Variants in OSBPL10 observed in about 807,000 individuals in gnomAD.
OSBPL10 encodes the protein oxysterol binding protein like 10.
In OSBPL10, 49 loss-of-function variants were observed where a neutral mutation model predicts 81.7. That is an observed-to-expected ratio of 0.60 (90% CI 0.48 to 0.76). The LOEUF is 0.76. Among genes scored for constraint, OSBPL10 ranks in the 30% least tolerant of loss-of-function variants. The pLI is 0.00. For missense variants in OSBPL10, 923 were observed against 987.8 expected, an observed-to-expected ratio of 0.93 and a Z score of 0.88; for synonymous variants, 419 against 383.6, an observed-to-expected ratio of 1.09 and a Z score of -1.08.
At chr3:31,697,348 C>T (rs545052237) in intron 7 of OSBPL10, among the ~76,000 whole-genome samples, 7 of 151,708 alleles carry the variant, frequency 4.6e-5, no homozygotes, top group Admixed American at 1.3e-4. Context: ...AGAGCTGCCC[C>T]GCTAAGCCCA....
chr3:32,020,600 G>A (rs1057509487), intron 2 of OSBPL10, among the ~76,000 whole-genome samples: 6 of 151,912 alleles, frequency 3.9e-5, no homozygotes, highest in Non-Finnish European at 5.9e-5. Flanking sequence ...GAGTAATTGC[G>A]TACAAGTCTT....
chr3:31,880,448 G>C (rs1473500741), intron 1 of OSBPL10, among the ~76,000 whole-genome samples: 1 of 145,664 alleles, frequency 6.9e-6, no homozygotes, highest in East Asian at 1.9e-4. Flanking sequence ...CATGGTAAAA[G>C]AAGAAGAACT....
intron 2 of OSBPL10, chr3:31,989,987 G>A (rs1022279712): frequency 1.2e-6 from 2 of 1,614,136 alleles, no homozygotes; most frequent in Non-Finnish European, 1.7e-6. Context: ...AACCTTGCAA[G>A]TCATCATAGA....
At chr3:31,811,218 G>A (rs1368231845) in intron 4 of OSBPL10, among the ~76,000 whole-genome samples, 1 of 152,160 alleles carries the variant, frequency 6.6e-6, no homozygotes. Context: ...GGTGGGCAAG[G>A]ACTGAGGACT....
chr3:31,996,045 T>C (rs1575081916), intron 2 of OSBPL10, among the ~76,000 whole-genome samples: 1 of 152,296 alleles, frequency 6.6e-6, no homozygotes, highest in East Asian at 1.9e-4. Flanking sequence ...GGTCACACTG[T>C]GAGCTGGAGG....
chr3:32,005,550 C>G (rs1282234750), intron 2 of OSBPL10, among the ~76,000 whole-genome samples: 1 of 152,110 alleles, frequency 6.6e-6, no homozygotes, highest in East Asian at 1.9e-4. Context: ...GACACTCAAA[C>G]TTGGTATTGT....
At chr3:31,712,705 G>A (rs73066097) in intron 6 of OSBPL10, among the ~76,000 whole-genome samples, 31,315 of 152,186 alleles carry the variant, frequency 0.21, 4,408 homozygotes, top group East Asian at 0.61. Context: ...GCAGAACTAC[G>A]AGATGATAAA....
intron 2 of OSBPL10, among the ~76,000 whole-genome samples, chr3:31,992,620 A>G (rs938551370): frequency 2.0e-5 from 3 of 152,150 alleles, no homozygotes; most frequent in Non-Finnish European, 4.4e-5. Flanking sequence ...CATTTTTCAT[A>G]AGGACCCTTG....
At chr3:31,922,493 T>C (rs773099422) in intron 1 of OSBPL10, among the ~76,000 whole-genome samples, 4 of 152,068 alleles carry the variant, frequency 2.6e-5, no homozygotes, top group Non-Finnish European at 5.9e-5. Context: ...TGGAGCGTGC[T>C]TGTAATCCCA....
At chr3:31,989,840 G>A (rs557783811) in intron 2 of OSBPL10, 2 of 1,613,926 alleles carry the variant, frequency 1.2e-6, no homozygotes, top group Non-Finnish European at 1.7e-6. Context: ...ATCTATTTAG[G>A]AGGGAAACAA....
At chr3:31,921,934 A>C (rs1449423245) in intron 1 of OSBPL10, among the ~76,000 whole-genome samples, 2 of 152,370 alleles carry the variant, frequency 1.3e-5, no homozygotes, top group East Asian at 3.9e-4. Flanking sequence ...TCTTCCTCTG[A>C]AAACACATAA....
At chr3:32,058,831 G>C (rs1699733391) in intron 1 of OSBPL10, among the ~76,000 whole-genome samples, 1 of 152,152 alleles carries the variant, frequency 6.6e-6, no homozygotes, top group South Asian at 2.1e-4. Context: ...GGGACTACAT[G>C]TATGCACCAC....
At chr3:31,943,690 G>A (rs950618454) in intron 1 of OSBPL10, among the ~76,000 whole-genome samples, 4 of 151,988 alleles carry the variant, frequency 2.6e-5, no homozygotes, top group Admixed American at 6.6e-5. Flanking sequence ...TTCAGAGGCC[G>A]GGCACAGTGG....
chr3:31,929,057 C>G (rs747797717), intron 1 of OSBPL10, among the ~76,000 whole-genome samples: 3 of 152,142 alleles, frequency 2.0e-5, no homozygotes, highest in Non-Finnish European at 4.4e-5. Context: ...AAACATCCAG[C>G]TAGGATTAAA....
At chr3:31,833,705 G>GTGCA (rs1553631717) in intron 3 of OSBPL10, among the ~76,000 whole-genome samples, 2 of 137,962 alleles carry the variant, frequency 1.4e-5, no homozygotes, top group Non-Finnish European at 3.1e-5. Flanking sequence ...ACACGCACAC[G>GTGCA]CACACACACA....
intron 2 of OSBPL10, among the ~76,000 whole-genome samples, chr3:31,999,617 T>C (rs938400393): frequency 1.2e-4 from 19 of 152,096 alleles, no homozygotes; most frequent in African/African-American, 2.2e-4. Context: ...TGCCTTGGCC[T>C]CCCAAAGTGC....
At chr3:31,986,475 C>CG (rs1201923618) in intron 2 of OSBPL10, 4 of 152,280 alleles carry the variant, frequency 2.6e-5, no homozygotes, top group Non-Finnish European at 2.9e-5. Context: ...GGGCCAGGCG[C>CG]GGTGGCTCAC....
intron 7 of OSBPL10, among the ~76,000 whole-genome samples, chr3:31,691,579 G>T (rs1332966486): frequency 6.6e-6 from 1 of 152,112 alleles, no homozygotes. Context: ...AAATTAGCCA[G>T]GTGTGGTGGT....
At chr3:31,899,870 G>A (rs1696181283) in intron 1 of OSBPL10, among the ~76,000 whole-genome samples, 1 of 152,076 alleles carries the variant, frequency 6.6e-6, no homozygotes, top group Non-Finnish European at 1.5e-5. Context: ...TGTGGTCCCA[G>A]CATAGAAAAT....
Sources: allele counts gnomAD v4.1 joint callset (sites outside exome capture counted in the v4.1 genomes callset), GRCh38; gene constraint gnomAD v4.1.1; transcripts MANE v1.5; gene names NCBI Gene and HGNC (gene_info 2026-07-23, HGNC 2026-07-21).